The following NTRK2 variants were observed in gnomAD, a reference collection of about 807,000 sequenced individuals.
NTRK2 encodes neurotrophic receptor tyrosine kinase 2.
In NTRK2, 13 loss-of-function variants were observed where a neutral mutation model predicts 94.5. The observed-to-expected ratio is 0.14, with a 90% CI of 0.09 to 0.22. The LOEUF (loss-of-function observed/expected upper bound fraction) is 0.22. Ranked by LOEUF, NTRK2 falls within the 10% of genes least tolerant of loss-of-function variation. The pLI, the probability that NTRK2 is intolerant of heterozygous loss-of-function variation, is 1.00. For synonymous variants in NTRK2, 372 were observed against 407.4 expected (o/e 0.91, Z 1.05); for missense variants, 639 against 1,071.2 (o/e 0.60, Z 5.63).
At chr9:84,900,022 G>A (rs186804476) in intron 14 of NTRK2, among the ~76,000 whole-genome samples, 14 of 152,330 alleles carry the variant, frequency 9.2e-5, no homozygotes, top group South Asian at 4.1e-4. Flanking sequence ...AGCAGGCCAT[G>A]TTACAGGAAC....
At chr9:84,739,247 C>T (rs2063468520) in intron 9 of NTRK2, among the ~76,000 whole-genome samples, 1 of 152,128 alleles carries the variant, frequency 6.6e-6, no homozygotes, top group Non-Finnish European at 1.5e-5. Context: ...GATGAGGTTT[C>T]CCCATGTTGC....
chr9:84,996,208 GA>G (rs1239379463), intron 17 of NTRK2, among the ~76,000 whole-genome samples: 2 of 152,216 alleles, frequency 1.3e-5, no homozygotes, highest in Non-Finnish European at 2.9e-5. Flanking sequence ...CCTCTCTAAA[GA>G]TGTAACCCCC....
chr9:85,006,276 T>C (rs1372577202), intron 17 of NTRK2, among the ~76,000 whole-genome samples: 1 of 152,200 alleles, frequency 6.6e-6, no homozygotes, highest in Admixed American at 6.5e-5. Context: ...TGCACAGTAC[T>C]CTGGCCCTTA....
intron 2 of NTRK2, among the ~76,000 whole-genome samples, chr9:84,688,809 C>T (rs1007202409): frequency 4.4e-4 from 67 of 152,146 alleles, no homozygotes; most frequent in Non-Finnish European, 1.5e-4. Context: ...TGAAAAATTA[C>T]TGAATATGTC....
chr9:84,702,181 T>C lies in NTRK2; in HGVS notation c.235T>C (p.Leu79=). The C allele has an allele frequency of 1.2e-6, 2 of 1,614,170 alleles. No individual in the cohort carries two copies. The highest frequency in any genetic ancestry group is 2.2e-5 in the South Asian group (2 of 91,068). ...TEIFIANQKR[L]EIINEDDVEA... is the part of the protein sequence containing the mutation. The stretch of plus-strand genomic sequence containing the variant: ...CAGTTTCATCGCAAACCAGAAAAGG[T>C]TAGAAATCATCAACGAAGATGATGT... Residue 79 remains leucine, a synonymous_variant, in exon 3 of 19, where the codon TTA becomes CTA. Coordinates refer to ENST00000277120, the MANE Select transcript of NTRK2 (RefSeq NM_006180.6).
chr9:84,984,080 G>C (rs757097440), intron 17 of NTRK2, among the ~76,000 whole-genome samples: 1 of 152,180 alleles, frequency 6.6e-6, no homozygotes, highest in Non-Finnish European at 1.5e-5. Context: ...GTTGCTGTGA[G>C]GATTAAATGA....
At chr9:84,914,758 G>A (rs1370710655) in intron 14 of NTRK2, among the ~76,000 whole-genome samples, 10 of 152,152 alleles carry the variant, frequency 6.6e-5, no homozygotes, top group African/African-American at 2.4e-4. Context: ...GGCATTTTCA[G>A]GTTTCTGGCT....
At chr9:84,697,746 TGC>T (rs2060474666) in intron 2 of NTRK2, among the ~76,000 whole-genome samples, 1 of 152,222 alleles carries the variant, frequency 6.6e-6, no homozygotes, top group Non-Finnish European at 1.5e-5. Flanking sequence ...TCTGTTTCCA[TGC>T]GGAGGCTGTG....
intron 12 of NTRK2, among the ~76,000 whole-genome samples, chr9:84,752,625 G>GA (rs2064737685): frequency 6.6e-6 from 1 of 152,054 alleles, no homozygotes; most frequent in African/African-American, 2.4e-5. Context: ...TATTTAAGTG[G>GA]AAAAATTAGC....
At chr9:84,821,132 T>TAA (rs987307636) in intron 12 of NTRK2, among the ~76,000 whole-genome samples, 5 of 152,278 alleles carry the variant, frequency 3.3e-5, no homozygotes, top group African/African-American at 1.2e-4. Context: ...TATCTTTTTT[T>TAA]AAAAAAATCA....
At chr9:84,952,857 T>C (rs1823653268) in intron 16 of NTRK2, among the ~76,000 whole-genome samples, 1 of 152,194 alleles carries the variant, frequency 6.6e-6, no homozygotes, top group Non-Finnish European at 1.5e-5. Flanking sequence ...AGGTGGCCTT[T>C]TGCACTGACA....
chr9:84,741,054 T>G (rs974864565), intron 9 of NTRK2, among the ~76,000 whole-genome samples: 4 of 152,230 alleles, frequency 2.6e-5, no homozygotes, highest in Non-Finnish European at 5.9e-5. Context: ...TTAATTTCAT[T>G]TCCAAGTAGA....
intron 11 of NTRK2, among the ~76,000 whole-genome samples, chr9:84,748,055 G>A (rs753259843): frequency 1.3e-5 from 2 of 152,158 alleles, no homozygotes; most frequent in Non-Finnish European, 2.9e-5. Flanking sequence ...AAATGTTTCT[G>A]GTCCAACAAG....
chr9:84,802,912 A>G (rs1386576423), intron 12 of NTRK2, among the ~76,000 whole-genome samples: 2 of 152,304 alleles, frequency 1.3e-5, no homozygotes, highest in South Asian at 4.1e-4. Flanking sequence ...TTGAAGACTG[A>G]TGAACAATTC....
At position 84,745,032 on chromosome 9, in the gene NTRK2, T is replaced by C. The variant is rs202153392; in HGVS notation, c.1255T>C (p.Ser419Pro). ...DTTNRSNEIP[S>P]TDVTDKTGRE... ...CACGAACAGAAGTAATGAAATCCCT[T>C]CCACAGACGTCACTGATAAAACCGG... Residue 419 changes from serine (S) to proline (P), a missense_variant, in exon 11 of 19, where the codon TCC (serine) becomes CCC (proline). Physicochemically the swap from Ser to Pro is moderately conservative, Grantham distance 74. Transcript: ENST00000277120. 7.4e-6 allele frequency: 12 copies of C among 1,613,538 alleles called. No individual in the cohort carries two copies. Among genetic ancestry groups the C allele is most frequent in the African/African-American group, 1.3e-5 (1 of 74,762 alleles).
At chr9:84,707,956 G>T (rs754411116) in intron 5 of NTRK2, 44 bp downstream of exon 5, 2 of 1,485,852 alleles carry the variant, frequency 1.3e-6, no homozygotes, top group Admixed American at 1.7e-5. Flanking sequence ...TGTTTTCAAA[G>T]GAAGGGGTAA....
intron 13 of NTRK2, among the ~76,000 whole-genome samples, chr9:84,862,729 G>A (rs2075392172): frequency 6.6e-6 from 1 of 152,214 alleles, no homozygotes. Flanking sequence ...GTGGGGAAGT[G>A]CTGGGATCCA....
intron 2 of NTRK2, among the ~76,000 whole-genome samples, chr9:84,688,605 G>T (rs981561178): frequency 6.6e-6 from 1 of 152,174 alleles, no homozygotes; most frequent in South Asian, 2.1e-4. Context: ...TTAGCTACCA[G>T]CTTCCTCCTT....
At chr9:84,731,697 G>A (rs2062901315) in intron 9 of NTRK2, among the ~76,000 whole-genome samples, 1 of 152,092 alleles carries the variant, frequency 6.6e-6, no homozygotes, top group Non-Finnish European at 1.5e-5. Flanking sequence ...TCTACTTGGA[G>A]GAAGGATGGG....
Sources: gnomAD v4.1 joint callset for allele counts (sites outside exome capture counted in the v4.1 genomes callset) on GRCh38, gnomAD v4.1.1 for gene constraint, MANE v1.5 for transcripts, NCBI Gene and HGNC (gene_info 2026-07-23, HGNC 2026-07-21) for gene names.